The following TGM6 variants were observed in gnomAD, a reference collection of about 807,000 sequenced individuals.
TGM6 encodes transglutaminase 6.
TGM6 carries 74 observed loss-of-function variants against 77.5 expected under a neutral mutation model. The observed-to-expected ratio is 0.96, with a 90% CI of 0.79 to 1.16. The LOEUF (loss-of-function observed/expected upper bound fraction) is 1.16, where lower values mean the gene tolerates loss of function less well. TGM6 is among the 50% of genes most tolerant of loss of function. The pLI is 0.00. For synonymous variants in TGM6, 383 were observed against 378.9 expected (o/e 1.01, Z -0.12); for missense variants, 968 against 940.2 (o/e 1.03, Z -0.39).
At chr20:2,427,248 T>A (rs1162150116) in intron 10 of TGM6, among the ~76,000 whole-genome samples, 2 of 152,224 alleles carry the variant, frequency 1.3e-5, no homozygotes, top group Non-Finnish European at 2.9e-5. Flanking sequence ...TTTCAAGAAC[T>A]GGTCCCTTTT....
At chr20:2,391,385 C>G (rs2084628499) in intron 1 of TGM6, among the ~76,000 whole-genome samples, 1 of 152,080 alleles carries the variant, frequency 6.6e-6, no homozygotes, top group Non-Finnish European at 1.5e-5. Flanking sequence ...GGCACCCCAA[C>G]CAGGAGGGGC....
intron 10 of TGM6, among the ~76,000 whole-genome samples, chr20:2,418,014 G>A (rs1568667704): frequency 6.6e-6 from 1 of 151,896 alleles, no homozygotes; most frequent in Non-Finnish European, 1.5e-5. Context: ...TCTTTGTTTT[G>A]GTTTTCGGGT....
chr20:2,414,942 G>GT (rs2084805502), intron 9 of TGM6, among the ~76,000 whole-genome samples: 1 of 138,722 alleles, frequency 7.2e-6, no homozygotes, highest in East Asian at 2.4e-4. Context: ...TTTGGGGGGG[G>GT]GGGTGAAAAA....
At chr20:2,395,876 T>G (rs1350540322) in intron 3 of TGM6, among the ~76,000 whole-genome samples, 1 of 152,178 alleles carries the variant, frequency 6.6e-6, no homozygotes, top group African/African-American at 2.4e-5. Context: ...GGATCAGTAT[T>G]ATTATTAATA....
chr20:2,410,102 A>G (rs1255440718), intron 9 of TGM6, among the ~76,000 whole-genome samples: 1 of 152,200 alleles, frequency 6.6e-6, no homozygotes, highest in Non-Finnish European at 1.5e-5. Context: ...GACTAGGGGC[A>G]TCTAGATCAC....
At chr20:2,419,028 C>T (rs1220481690) in intron 10 of TGM6, among the ~76,000 whole-genome samples, 2 of 152,282 alleles carry the variant, frequency 1.3e-5, no homozygotes, top group East Asian at 3.9e-4. Flanking sequence ...AGGATTTTTT[C>T]GTGATCCTTG....
rs140959748 is a variant in TGM6 at position 2,398,297 on chromosome 20, A to C, written c.672+251A>C. Among the ~76,000 whole-genome samples, 1,186 of 152,262 alleles carry C rather than the reference A, an allele frequency of 7.8e-3. 4 individuals are homozygous for C. Among genetic ancestry groups the C allele is most frequent in the Admixed American group, 0.015 (222 of 15,302 alleles). ...AAGATGCTTCTTCTGGGGATATCTT[A>C]ATGACTGCATATGTCTGGGATGGTT... On this transcript the variant is annotated intron_variant, in intron 5 of 12. Coordinates refer to ENST00000202625, the MANE Select transcript of TGM6 (RefSeq NM_198994.3).
At position 2,414,234 on chromosome 20, in the gene TGM6, C is replaced by T. The variant is rs2084801112; in HGVS notation, c.1337-2998C>T. Among the ~76,000 whole-genome samples the T allele has an allele frequency of 3.3e-5, 5 of 152,144 alleles. No homozygotes were observed. The South Asian group carries it at 8.3e-4, about 25-fold the overall frequency. ...AAAATAAAGAAATAAATAAATAATC[C>T]AATTTTAAAATGGCAAAGGATGTGA... On this transcript the variant is annotated intron_variant, in intron 9 of 12. Transcript: ENST00000202625.
intron 1 of TGM6, among the ~76,000 whole-genome samples, chr20:2,386,769 C>T (rs892726709): frequency 3.9e-5 from 6 of 152,094 alleles, no homozygotes; most frequent in Admixed American, 1.3e-4. Context: ...ATGCAGATGC[C>T]TCAGAGGGTG....
chr20:2,409,177 G>A (rs902785639), intron 9 of TGM6, among the ~76,000 whole-genome samples: 1 of 152,028 alleles, frequency 6.6e-6, no homozygotes, highest in African/African-American at 2.4e-5. Context: ...TATCAGAAGA[G>A]AATTTGATAC....
At chr20:2,389,083 G>C (rs190475653) in intron 1 of TGM6, among the ~76,000 whole-genome samples, 1 of 152,188 alleles carries the variant, frequency 6.6e-6, no homozygotes, top group African/African-American at 2.4e-5. Context: ...TTGACCCATA[G>C]GATAAGGCGG....
At chr20:2,412,687 A>G (rs1382239468) in intron 9 of TGM6, among the ~76,000 whole-genome samples, 1 of 152,214 alleles carries the variant, frequency 6.6e-6, no homozygotes, top group Non-Finnish European at 1.5e-5. Context: ...GCAAGTTTGC[A>G]GAACACAAGA....
Position 2,397,274 on chromosome 20 carries a change from G to C in TGM6, c.544-644G>C, listed in dbSNP as rs73894932. Among the ~76,000 whole-genome samples, 696 of 152,350 alleles carry C rather than the reference G, an allele frequency of 4.6e-3. 6 individuals carry two copies. Among genetic ancestry groups the C allele is most frequent in the African/African-American group, 0.016 (653 of 41,592 alleles). On this transcript the variant is annotated intron_variant, in intron 4 of 12. Transcript: ENST00000202625. ...CAGAGCCGCACGGACGTGGGAAGTA[G>C]GGAGTCTTGAGTCTGCTAGAGGAAT... is the stretch of plus-strand genomic sequence containing the variant.
chr20:2,383,951 C>T (rs2084574727), intron 1 of TGM6, among the ~76,000 whole-genome samples: 1 of 151,808 alleles, frequency 6.6e-6, no homozygotes, highest in Non-Finnish European at 1.5e-5. Flanking sequence ...ACTAAAAATA[C>T]AGAAAATTAG....
At chr20:2,410,561 T>G (rs1268114786) in intron 9 of TGM6, among the ~76,000 whole-genome samples, 1 of 152,182 alleles carries the variant, frequency 6.6e-6, no homozygotes, top group Non-Finnish European at 1.5e-5. Flanking sequence ...GTAGCAAAGT[T>G]GGACAGAAGT....
chr20:2,415,201 T>C (rs1369714138), intron 9 of TGM6, among the ~76,000 whole-genome samples: 2 of 152,176 alleles, frequency 1.3e-5, no homozygotes, highest in Non-Finnish European at 2.9e-5. Context: ...ATTTTAATAA[T>C]AAAACATGGA....
rs200686759 is a variant in TGM6, at chr20:2,399,620, C to T, written c.732C>T (p.Gly244=). 7.3e-5 allele frequency: 118 copies of T among 1,613,078 alleles called. No individual in the cohort carries two copies. Among genetic ancestry groups the T allele is most frequent in the East Asian group, 1.3e-4 (6 of 44,870 alleles). ...GACAGTGGCAGGGCAAGTACGGCGG[C>T]GGCACCAGCCCGCTGCACTGGCGCG... ...VQGQWQGKYG[G]GTSPLHWRGS... is the part of the protein sequence containing the mutation. The change falls in exon 6 of 13, where the codon GGC becomes GGT. Residue 244 remains glycine (G), a synonymous_variant. Transcript: ENST00000202625.
At chr20:2,426,661 T>C (rs2122433176) in intron 10 of TGM6, among the ~76,000 whole-genome samples, 1 of 152,316 alleles carries the variant, frequency 6.6e-6, no homozygotes, top group East Asian at 1.9e-4. Context: ...TTTTTGTAGA[T>C]GTTCTTTATC....
chr20:2,394,519 C>T lies in TGM6; in HGVS notation c.75C>T (p.Tyr25=), dbSNP rs143188084. ...GCGCTGCCCACCACACCCAGGAGTA[C>T]CCCTGCCCTGAGCTGGTGGTTCGCA... ...RNGAAHHTQE[Y]PCPELVVRRG... The change falls in exon 2 of 13, where the codon TAC becomes TAT. Residue 25 remains tyrosine (Y), a synonymous_variant. Coordinates refer to ENST00000202625, the MANE Select transcript of TGM6 (RefSeq NM_198994.3). The T allele has an allele frequency of 9.3e-6, 15 of 1,611,702 alleles. No individual in the cohort carries two copies. The African/African-American group carries it at 2.0e-4, about 22-fold the overall frequency.
Sources: allele counts gnomAD v4.1 joint callset (sites outside exome capture counted in the v4.1 genomes callset), GRCh38; gene constraint gnomAD v4.1.1; transcripts MANE v1.5; gene names NCBI Gene and HGNC (gene_info 2026-07-23, HGNC 2026-07-21).